Variants in ARHGAP25 observed in about 807,000 individuals in gnomAD.
ARHGAP25 encodes rho GTPase-activating protein 25.
Under a neutral mutation model 71.0 loss-of-function variants are expected in ARHGAP25, and 34 were observed. The observed-to-expected ratio is 0.48, with a 90% CI of 0.36 to 0.64. The LOEUF (loss-of-function observed/expected upper bound fraction) is 0.64. ARHGAP25 is among the 30% of genes least tolerant of loss of function. The probability of loss-of-function intolerance (pLI) is 0.00; values close to 1 mark genes in which losing one functional copy is unlikely to be tolerated. For synonymous variants in ARHGAP25, 282 were observed against 296.5 expected (o/e 0.95, Z 0.50); for missense variants, 706 against 805.1 (o/e 0.88, Z 1.49).
chr2:68,718,530 A>AGTGTGTGTGT (rs34203928), intron 2 of ARHGAP25, among the ~76,000 whole-genome samples: 5 of 151,252 alleles, frequency 3.3e-5, no homozygotes, highest in Non-Finnish European at 5.9e-5. Context: ...GAAATATATA[A>AGTGTGTGTGT]GTGTGTGTGT....
intron 10 of ARHGAP25, among the ~76,000 whole-genome samples, chr2:68,825,239 C>T (rs1249920470): frequency 6.6e-6 from 1 of 152,160 alleles, no homozygotes; most frequent in Non-Finnish European, 1.5e-5. Flanking sequence ...AGAAAGGGTG[C>T]TGATCTATGC....
chr2:68,823,172 T>G (rs938339495), intron 10 of ARHGAP25, among the ~76,000 whole-genome samples: 1 of 151,452 alleles, frequency 6.6e-6, no homozygotes, highest in Non-Finnish European at 1.5e-5. Context: ...GAAATTAATT[T>G]TTTTTATGTT....
intron 6 of ARHGAP25, among the ~76,000 whole-genome samples, chr2:68,813,924 G>A (rs1681013969): frequency 6.6e-6 from 1 of 152,210 alleles, no homozygotes; most frequent in Non-Finnish European, 1.5e-5. Flanking sequence ...ATATGCTTGT[G>A]AGAGTGCACA....
chr2:68,728,150 A>T (rs1288824290), intron 2 of ARHGAP25, among the ~76,000 whole-genome samples: 1 of 152,246 alleles, frequency 6.6e-6, no homozygotes, highest in Non-Finnish European at 1.5e-5. Flanking sequence ...GTGGGACTAC[A>T]TCATCGGATG....
At chr2:68,732,603 G>A (rs1466811435), upstream of ARHGAP25, among the ~76,000 whole-genome samples, 1 of 152,184 alleles carries the variant, frequency 6.6e-6, no homozygotes, top group Non-Finnish European at 1.5e-5. Context: ...GGGTAGACTG[G>A]GTGAGTGTGG....
intron 4 of ARHGAP25, among the ~76,000 whole-genome samples, chr2:68,790,640 C>T (rs1679103365): frequency 6.6e-6 from 1 of 152,146 alleles, no homozygotes; most frequent in African/African-American, 2.4e-5. Flanking sequence ...CAGAGCCTGC[C>T]CCCTTCCCAC....
At chr2:68,741,359 C>G (rs1675511823) in intron 1 of ARHGAP25, among the ~76,000 whole-genome samples, 1 of 152,164 alleles carries the variant, frequency 6.6e-6, no homozygotes, top group Non-Finnish European at 1.5e-5. Context: ...ATAACTTTGT[C>G]TTCTTTGAGG....
intron 1 of ARHGAP25, among the ~76,000 whole-genome samples, chr2:68,742,396 T>G (rs544510977): frequency 6.6e-6 from 1 of 152,276 alleles, no homozygotes; most frequent in East Asian, 1.9e-4. Flanking sequence ...TATCATACAG[T>G]GGTTAAAAAG....
rs150781787 is a variant in ARHGAP25, at chr2:68,750,447, C to T, written c.61+15187C>T. ...AAGCGATTCTCCTGCTTCAGCCTCC[C>T]AAGTAGCTGGGACTACAGGCACCTG... On this transcript the variant is annotated intron_variant, in intron 1 of 10. Coordinates refer to ENST00000409202, the MANE Select transcript of ARHGAP25 (RefSeq NM_001007231.3). 8.3e-3 allele frequency among the ~76,000 whole-genome samples: 1,269 copies of T among 152,004 alleles called. 25 individuals carry two copies. The highest frequency in any genetic ancestry group is 0.027 in the African/African-American group (1,139 of 41,442).
chr2:68,752,572 C>T (rs1277485731), intron 1 of ARHGAP25, among the ~76,000 whole-genome samples: 1 of 152,160 alleles, frequency 6.6e-6, no homozygotes, highest in African/African-American at 2.4e-5. Context: ...GAACATTCCC[C>T]CTTGGACATA....
chr2:68,720,316 C>CA (rs11314943), intron 2 of ARHGAP25, among the ~76,000 whole-genome samples: 5,302 of 75,490 alleles, frequency 0.07, 140 homozygotes, highest in East Asian at 0.14. Context: ...ACATTTCAGT[C>CA]AAAAAAAAAA....
intron 1 of ARHGAP25, among the ~76,000 whole-genome samples, chr2:68,764,868 G>A (rs1030078234): frequency 1.3e-5 from 2 of 152,110 alleles, no homozygotes; most frequent in Non-Finnish European, 2.9e-5. Flanking sequence ...GCAGAAATCC[G>A]TCTTCCCCCC....
chr2:68,770,533 G>T (rs1179109660), intron 1 of ARHGAP25, among the ~76,000 whole-genome samples: 36 of 152,162 alleles, frequency 2.4e-4, no homozygotes, highest in Admixed American at 2.4e-3. Flanking sequence ...GAAAGGAAGT[G>T]ATAACGTTTC....
chr2:68,772,636 G>A (rs73933364), intron 1 of ARHGAP25, among the ~76,000 whole-genome samples: 4,380 of 152,246 alleles, frequency 0.029, 219 homozygotes, highest in African/African-American at 0.1. Context: ...TATAGTCTCT[G>A]ACTTAGAGAG....
chr2:68,781,660 G>C (rs1660655693), intron 2 of ARHGAP25, among the ~76,000 whole-genome samples: 1 of 152,104 alleles, frequency 6.6e-6, no homozygotes, highest in African/African-American at 2.4e-5. Context: ...TATGACTTTG[G>C]GTAGATTATA....
intron 1 of ARHGAP25, among the ~76,000 whole-genome samples, chr2:68,740,121 C>T (rs1675441429): frequency 6.6e-6 from 1 of 152,186 alleles, no homozygotes; most frequent in African/African-American, 2.4e-5. Flanking sequence ...AAGGAAACAA[C>T]TGCAAAGCGG....
chr2:68,806,271 T>C (rs1458483705), intron 4 of ARHGAP25, among the ~76,000 whole-genome samples: 1 of 152,220 alleles, frequency 6.6e-6, no homozygotes, highest in African/African-American at 2.4e-5. Flanking sequence ...TGCATTGTAC[T>C]GCATACATTC....
intron 2 of ARHGAP25, among the ~76,000 whole-genome samples, chr2:68,712,947 C>T (rs908419980): frequency 6.6e-6 from 1 of 152,172 alleles, no homozygotes; most frequent in Non-Finnish European, 1.5e-5. Flanking sequence ...TAGCGTGATG[C>T]CTCCAGCTTT....
In ARHGAP25 at chr2:68,725,238, C is replaced by A. The variant is rs577444546; in HGVS notation, c.-18+14540C>A. Among the ~76,000 whole-genome samples the A allele has an allele frequency of 3.9e-5, 6 of 152,304 alleles. No homozygotes were observed. In the South Asian group the frequency reaches 1.0e-3, roughly 26 times the overall value. On this transcript the variant is annotated intron_variant and NMD_transcript_variant, in intron 2 of 7. Transcript: ENST00000463483. ...CTCACCTAGACCATTGCAGTCAGCT[C>A]TAAGGTCTCCGCTTTTACCCTTGCC...
Sources: gnomAD v4.1 joint callset for allele counts (sites outside exome capture counted in the v4.1 genomes callset) on GRCh38, gnomAD v4.1.1 for gene constraint, MANE v1.5 for transcripts, NCBI Gene and HGNC (gene_info 2026-07-23, HGNC 2026-07-21) for gene names.